Variants in LHPP observed in about 807,000 individuals in gnomAD.
The protein encoded by LHPP is hLHPP.
LHPP carries 24 observed loss-of-function variants against 30.3 expected under a neutral mutation model. The ratio of observed to expected loss-of-function variants is 0.79; its 90% CI spans 0.57 to 1.11. LHPP has a LOEUF of 1.11. LHPP is among the 50% of genes most tolerant of loss of function. The pLI, the probability that LHPP is intolerant of heterozygous loss-of-function variation, is 0.00. For synonymous variants in LHPP, 150 were observed against 157.1 expected (o/e 0.95, Z 0.34); for missense variants, 356 against 367.2 (o/e 0.97, Z 0.25).
At position 124,478,671 on chromosome 10, in the gene LHPP, A is replaced by G. The variant is rs1953029277; in HGVS notation, c.126-5468A>G. 6.6e-6 allele frequency among the ~76,000 whole-genome samples: 1 copy of G among 152,216 alleles called. No homozygotes were observed. Among genetic ancestry groups the G allele is most frequent in the Non-Finnish European group, 1.5e-5 (1 of 68,032 alleles). On this transcript the variant is annotated intron_variant, in intron 1 of 6. Coordinates refer to ENST00000368842, the MANE Select transcript of LHPP (RefSeq NM_022126.4). The surrounding 1 kb of genome is among the most constrained non-coding windows in gnomAD (Gnocchi z 4.7). ...CGAGGTGATTTGTAAGGGCCGGTTCATCTGATGCACGGTAATTGCCCCGGG... is the reference window on the plus strand; with the variant it reads ...CGAGGTGATTTGTAAGGGCCGGTTCGTCTGATGCACGGTAATTGCCCCGGG...
At chr10:124,532,937 G>A (rs934331739) in intron 6 of LHPP, among the ~76,000 whole-genome samples, 33 of 152,360 alleles carry the variant, frequency 2.2e-4, no homozygotes, top group South Asian at 1.0e-3. Context: ...GAAATGAGAA[G>A]AAGCCCAGGC....
chr10:124,473,232 C>T lies in LHPP; in HGVS notation c.126-10907C>T, dbSNP rs1299669006. On this transcript the variant is annotated intron_variant, in intron 1 of 6. Transcript: ENST00000368842. The stretch of plus-strand genomic sequence containing the variant: ...TGCCCCTACCCCCAGTGCCCCACAA[C>T]GTGCAAGAAGCCATATTGGCAAAGC... 3.3e-5 allele frequency among the ~76,000 whole-genome samples: 5 copies of T among 152,308 alleles called. No individual in the cohort carries two copies. In the East Asian group the frequency reaches 5.8e-4, roughly 18 times the overall value.
chr10:124,493,750 A>G (rs973789375), intron 3 of LHPP: 1 of 152,154 alleles, frequency 6.6e-6, no homozygotes, highest in African/African-American at 2.4e-5. Context: ...TGGCTAGAAC[A>G]TTCACGTCCT....
Position 124,596,606 on chromosome 10 carries a change from T to C in LHPP, c.717-16658T>C, listed in dbSNP as rs996525799. Among the ~76,000 whole-genome samples, 1 of 152,140 alleles carries C rather than the reference T, an allele frequency of 6.6e-6. No homozygotes were observed. The highest frequency in any genetic ancestry group is 6.5e-5 in the Admixed American group (1 of 15,282). ...TGCATCTCTAGGTTGGGGCCACTCT[T>C]TTCTTGGAACAAGAGCCCTAAACGT... On this transcript the variant is annotated intron_variant, in intron 6 of 6. Coordinates refer to ENST00000368842, the MANE Select transcript of LHPP (RefSeq NM_022126.4). This position sits in a 1 kb window ranked among gnomAD's most constrained non-coding sequence, Gnocchi z 4.6.
intron 6 of LHPP, among the ~76,000 whole-genome samples, chr10:124,520,562 A>G (rs1252747174): frequency 6.6e-6 from 1 of 152,366 alleles, no homozygotes; most frequent in East Asian, 1.9e-4. Context: ...TTAAAATGTC[A>G]GACCTTTTGA....
Position 124,517,872 on chromosome 10 carries a change from CG to C in LHPP, c.716+602del, listed in dbSNP as rs2133911512. On this transcript the variant is annotated intron_variant, in intron 6 of 6. Transcript: ENST00000368842. The surrounding 1 kb of genome is among the most constrained non-coding windows in gnomAD (Gnocchi z 4.1). ...GCCCTGTGGTACCCAAGCTCCAGCT[CG>C]CCTGGTCATCGAGAGGATCTTGGAC... 6.6e-6 allele frequency among the ~76,000 whole-genome samples: 1 copy of C among 152,274 alleles called. No homozygotes were observed. Among genetic ancestry groups the C allele is most frequent in the Non-Finnish European group, 1.5e-5 (1 of 68,024 alleles).
intron 6 of LHPP, among the ~76,000 whole-genome samples, chr10:124,565,026 C>T (rs1337794326): frequency 6.6e-6 from 1 of 152,064 alleles, no homozygotes; most frequent in East Asian, 1.9e-4. Flanking sequence ...TGGGAGGGAA[C>T]GAGGTGTCCT....
At chr10:124,540,243 C>T (rs1021033709) in intron 6 of LHPP, among the ~76,000 whole-genome samples, 3 of 152,194 alleles carry the variant, frequency 2.0e-5, no homozygotes. Context: ...AAGGAGGGCT[C>T]CCACCTAAGC....
intron 2 of LHPP, among the ~76,000 whole-genome samples, chr10:124,485,442 T>TA (rs1953295190): frequency 6.6e-6 from 1 of 151,990 alleles, no homozygotes. Context: ...ATGAATGCCC[T>TA]TCCTCAGCTG....
chr10:124,575,241 C>T (rs1383216581), intron 6 of LHPP, among the ~76,000 whole-genome samples: 1 of 152,060 alleles, frequency 6.6e-6, no homozygotes, highest in Admixed American at 6.5e-5. Context: ...GGCGTGCACC[C>T]CTGGTGTGCT....
At chr10:124,518,561 G>A (rs940745078) in intron 6 of LHPP, among the ~76,000 whole-genome samples, 3 of 152,258 alleles carry the variant, frequency 2.0e-5, no homozygotes, top group Non-Finnish European at 2.9e-5. Flanking sequence ...CCTGTGACCC[G>A]TGAGCACAAG....
At chr10:124,558,308 A>G (rs983090497) in intron 6 of LHPP, among the ~76,000 whole-genome samples, 8 of 152,126 alleles carry the variant, frequency 5.3e-5, no homozygotes, top group African/African-American at 1.7e-4. Context: ...GCCACCACCT[A>G]GTTGGCACTC....
chr10:124,526,758 A>G (rs1316583477), intron 6 of LHPP, among the ~76,000 whole-genome samples: 2 of 152,168 alleles, frequency 1.3e-5, no homozygotes. Context: ...CGGAGATGTG[A>G]CAGGTGACAG....
chr10:124,559,620 T>C (rs2133969107), intron 6 of LHPP, among the ~76,000 whole-genome samples: 1 of 152,382 alleles, frequency 6.6e-6, no homozygotes, highest in African/African-American at 2.4e-5. Context: ...CACTTGGAAA[T>C]CCGGCTGCCC....
intron 1 of LHPP, among the ~76,000 whole-genome samples, chr10:124,470,192 TC>T (rs1255761319): frequency 6.6e-6 from 1 of 152,030 alleles, no homozygotes; most frequent in East Asian, 1.9e-4. Context: ...GAGGCCGGCC[TC>T]GGGGCCCTGG....
In LHPP at chr10:124,590,586, C is replaced by T. The variant is rs545986223; in HGVS notation, c.717-22678C>T. ...CTTGTTACTTCTAGCCCAGGAGCTC[C>T]AGGTGAAGGGGACTGTGTTGGTCCT... On this transcript the variant is annotated intron_variant, in intron 6 of 6. Transcript: ENST00000368842. The surrounding 1 kb of genome is among the most constrained non-coding windows in gnomAD (Gnocchi z 4.3). 2.0e-5 allele frequency among the ~76,000 whole-genome samples: 3 copies of T among 152,300 alleles called. No homozygotes were observed. Among genetic ancestry groups the T allele is most frequent in the Admixed American group, 2.0e-4 (3 of 15,296 alleles).
At chr10:124,524,085 C>T (rs929284394) in intron 6 of LHPP, among the ~76,000 whole-genome samples, 7 of 152,076 alleles carry the variant, frequency 4.6e-5, no homozygotes, top group African/African-American at 1.4e-4. Context: ...ATCACTCCCA[C>T]GCTGTATAAC....
At position 124,510,394 on chromosome 10, in the gene LHPP, GCCGGCCCTGGCGTC is replaced by G. The variant is rs1954267956; in HGVS notation, c.625-6778_625-6765del. Reference sequence around the variant, plus strand: ...ACTGCTCCAGGCAGCTGTGCACCCAGCCGGCCCTGGCGTCCCGGCCCCCAGCCTCCGCCTCCCTC... The same window carrying G: ...ACTGCTCCAGGCAGCTGTGCACCCAGCCGGCCCCCAGCCTCCGCCTCCCTC... On this transcript the variant is annotated intron_variant, in intron 5 of 6. Transcript: ENST00000368842. This position sits in a 1 kb window ranked among gnomAD's most constrained non-coding sequence, Gnocchi z 4.0. Among the ~76,000 whole-genome samples the G allele has an allele frequency of 6.6e-6, 1 of 152,244 alleles. No homozygotes were observed. The highest frequency in any genetic ancestry group is 1.9e-4 in the East Asian group (1 of 5,194).
intron 6 of LHPP, among the ~76,000 whole-genome samples, chr10:124,551,633 G>A (rs1300836960): frequency 6.6e-6 from 1 of 152,192 alleles, no homozygotes; most frequent in Non-Finnish European, 1.5e-5. Context: ...ATGCGGAGGG[G>A]CCAGGGTCCC....
Sources: allele counts gnomAD v4.1 joint callset (sites outside exome capture counted in the v4.1 genomes callset), GRCh38; gene constraint gnomAD v4.1.1; non-coding constraint Gnocchi (gnomAD v3.1); transcripts MANE v1.5; gene names NCBI Gene and HGNC (gene_info 2026-07-23, HGNC 2026-07-21).